Variants in CNNM2 observed in about 807,000 individuals in gnomAD.
CNNM2 encodes the protein metal transporter CNNM2.
A neutral mutation model predicts 66.9 loss-of-function variants in CNNM2; 12 were observed. The ratio of observed to expected loss-of-function variants is 0.18; its 90% CI spans 0.11 to 0.29. CNNM2 has a LOEUF of 0.29. CNNM2 is among the 10% of genes least tolerant of loss of function. The pLI, the probability that CNNM2 is intolerant of heterozygous loss-of-function variation, is 1.00. For synonymous variants in CNNM2, 557 were observed against 501.8 expected (o/e 1.11, Z -1.47); for missense variants, 705 against 1,167.7 (o/e 0.60, Z 5.77).
chr10:102,931,093 T>C (rs1413023963), intron 1 of CNNM2, among the ~76,000 whole-genome samples: 1 of 152,172 alleles, frequency 6.6e-6, no homozygotes, highest in Non-Finnish European at 1.5e-5. Flanking sequence ...TTGGGCATGT[T>C]ATTGGGGTGA....
chr10:102,980,908 C>G (rs774997783), intron 1 of CNNM2, among the ~76,000 whole-genome samples: 11 of 152,142 alleles, frequency 7.2e-5, no homozygotes, highest in Non-Finnish European at 1.5e-4. Context: ...ACCAGCTTAT[C>G]CACATACACT....
chr10:103,011,434 C>T (rs1321970267), intron 1 of CNNM2, among the ~76,000 whole-genome samples: 5 of 148,054 alleles, frequency 3.4e-5, no homozygotes, highest in East Asian at 2.0e-4. Flanking sequence ...GCCTGGGCAA[C>T]AGAGCAAGAC....
intron 1 of CNNM2, among the ~76,000 whole-genome samples, chr10:103,022,201 C>CT (rs2064597548): frequency 6.6e-6 from 1 of 152,112 alleles, no homozygotes; most frequent in Admixed American, 6.6e-5. Flanking sequence ...TTGAGATGAC[C>CT]TTTTAGATTT....
intron 6 of CNNM2, 90 bp downstream of exon 6, chr10:103,071,929 T>C: frequency 9.2e-7 from 1 of 1,088,106 alleles, no homozygotes; most frequent in Non-Finnish European, 1.4e-6. Context: ...TCCCTTTACC[T>C]GGACAGGCTG....
At chr10:102,965,052 C>T (rs2063440280) in intron 1 of CNNM2, among the ~76,000 whole-genome samples, 3 of 152,204 alleles carry the variant, frequency 2.0e-5, no homozygotes, top group Admixed American at 6.5e-5. Context: ...GACCGTGCCC[C>T]TCACCAGACA....
At chr10:103,065,956 A>C (rs896884214) in intron 4 of CNNM2, among the ~76,000 whole-genome samples, 2 of 151,958 alleles carry the variant, frequency 1.3e-5, no homozygotes, top group Non-Finnish European at 2.9e-5. Flanking sequence ...CAGCCTTCCC[A>C]TGGCCCCACA....
intron 1 of CNNM2, among the ~76,000 whole-genome samples, chr10:102,949,315 A>G (rs184309808): frequency 1.5e-3 from 225 of 152,142 alleles, no homozygotes; most frequent in Middle Eastern, 0.014. Context: ...AGCTGGGATT[A>G]CAGGCACATG....
intron 1 of CNNM2, among the ~76,000 whole-genome samples, chr10:103,010,217 T>A (rs907796962): frequency 6.6e-6 from 1 of 152,108 alleles, no homozygotes; most frequent in Non-Finnish European, 1.5e-5. Flanking sequence ...ATAGTATATA[T>A]AATATGACCA....
chr10:102,986,814 C>A (rs1346533101), intron 1 of CNNM2, among the ~76,000 whole-genome samples: 3 of 150,182 alleles, frequency 2.0e-5, no homozygotes, highest in South Asian at 2.1e-4. Flanking sequence ...TCCTCCAGAT[C>A]GTAGAATTAT....
intron 1 of CNNM2, among the ~76,000 whole-genome samples, chr10:103,029,389 A>G (rs2064777694): frequency 6.6e-6 from 1 of 151,674 alleles, no homozygotes; most frequent in South Asian, 2.1e-4. Flanking sequence ...ACTTGAACCC[A>G]GGTGGCAGAG....
In CNNM2 at chr10:103,077,023, C is replaced by T. The variant is rs375970630; in HGVS notation, c.2471C>T (p.Thr824Ile). 6.2e-7 allele frequency: 1 copy of T among 1,613,418 alleles called. No homozygotes were observed. The highest frequency in any genetic ancestry group is 1.3e-5 in the African/African-American group (1 of 74,916). The change falls in exon 8 of 8, where the codon ACC (threonine) becomes ATC (isoleucine). Residue 824 changes from threonine (T) to isoleucine (I), a missense_variant. By Grantham distance (89) the Thr-to-Ile change is moderately conservative. Coordinates refer to ENST00000369878, the MANE Select transcript of CNNM2 (RefSeq NM_017649.5). ...NALMASRMDK[T>I]PQSSDSENTK... ...TTGATGGCATCCCGGATGGACAAAA[C>T]CCCCCAGTCTTCAGACAGTGAAAAC...
chr10:103,068,837 C>CT (rs901783543), intron 5 of CNNM2, 115 bp downstream of exon 5: 257 of 765,300 alleles, frequency 3.4e-4, no homozygotes, highest in South Asian at 5.3e-4. Flanking sequence ...CCTTTTTGAA[C>CT]TTTTTTTTTG....
chr10:103,021,832 T>C (rs2064587963), intron 1 of CNNM2, among the ~76,000 whole-genome samples: 1 of 152,178 alleles, frequency 6.6e-6, no homozygotes, highest in African/African-American at 2.4e-5. Flanking sequence ...TTTGAGAAAA[T>C]ACTGGTTCCT....
intron 1 of CNNM2, among the ~76,000 whole-genome samples, chr10:102,925,105 T>C (rs1005042950): frequency 6.6e-6 from 1 of 151,812 alleles, no homozygotes; most frequent in Admixed American, 6.6e-5. Flanking sequence ...AAGACCAGCC[T>C]GACCAACATG....
intron 1 of CNNM2, among the ~76,000 whole-genome samples, chr10:102,924,156 C>T (rs546626064): frequency 6.2e-4 from 95 of 152,212 alleles, no homozygotes; most frequent in African/African-American, 2.3e-3. Context: ...AAAACTAGAG[C>T]AATGTAGTGT....
At chr10:103,048,708 C>A (rs1039183934) in intron 1 of CNNM2, among the ~76,000 whole-genome samples, 1 of 152,166 alleles carries the variant, frequency 6.6e-6, no homozygotes, top group Non-Finnish European at 1.5e-5. Context: ...GTCCAACTTG[C>A]AAGTCAATCA....
chr10:102,932,655 C>T (rs559792012), intron 1 of CNNM2, among the ~76,000 whole-genome samples: 2 of 152,216 alleles, frequency 1.3e-5, no homozygotes, highest in South Asian at 2.1e-4. Context: ...CGGTGGCTCA[C>T]GCCTGTAATC....
chr10:102,967,922 C>T (rs954638155), intron 1 of CNNM2, among the ~76,000 whole-genome samples: 6 of 152,162 alleles, frequency 3.9e-5, no homozygotes, highest in Middle Eastern at 3.2e-3. Flanking sequence ...GCAGGAGAAT[C>T]GCTTGAACCT....
chr10:103,050,218 C>G (rs1590461938), intron 2 of CNNM2, among the ~76,000 whole-genome samples: 2 of 152,120 alleles, frequency 1.3e-5, no homozygotes. Flanking sequence ...TTGTACTTTT[C>G]ATAACTCAAG....
Sources: gnomAD v4.1 joint callset for allele counts (sites outside exome capture counted in the v4.1 genomes callset) on GRCh38, gnomAD v4.1.1 for gene constraint, MANE v1.5 for transcripts, NCBI Gene and HGNC (gene_info 2026-07-23, HGNC 2026-07-21) for gene names.